NR3C2: variants seen among roughly 807,000 people sequenced by gnomAD.
The protein encoded by NR3C2 is mineralocorticoid receptor.
NR3C2 carries 15 observed loss-of-function variants against 86.4 expected under a neutral mutation model. That is an observed-to-expected ratio of 0.17 (90% confidence interval 0.12 to 0.27). The LOEUF is 0.27. Ranked by LOEUF, NR3C2 falls within the 10% of genes least tolerant of loss-of-function variation. The probability of loss-of-function intolerance (pLI) is 1.00; values close to 1 mark genes in which losing one functional copy is unlikely to be tolerated. For synonymous variants in NR3C2, 458 were observed against 450.5 expected (o/e 1.02, Z -0.21); for missense variants, 960 against 1,195.6 (o/e 0.80, Z 2.91).
At chr4:148,148,503 G>C (rs2149760683) in intron 6 of NR3C2, among the ~76,000 whole-genome samples, 1 of 152,260 alleles carries the variant, frequency 6.6e-6, no homozygotes, top group East Asian at 1.9e-4. Context: ...AAAGAGCCAA[G>C]TCTCTGATGT....
At chr4:148,426,353 T>C (rs756625498) in intron 2 of NR3C2, among the ~76,000 whole-genome samples, 3 of 152,054 alleles carry the variant, frequency 2.0e-5, no homozygotes, top group Non-Finnish European at 4.4e-5. Flanking sequence ...AACCACTATC[T>C]CCCACTGGAA....
At chr4:148,341,851 A>C (rs1310503806) in intron 2 of NR3C2, among the ~76,000 whole-genome samples, 1 of 152,214 alleles carries the variant, frequency 6.6e-6, no homozygotes, top group Non-Finnish European at 1.5e-5. Flanking sequence ...ACTTATTTTT[A>C]AAGAACAAGT....
chr4:148,435,157 A>G lies in NR3C2; in HGVS notation c.1704T>C (p.Ser568=). ...ESWKSHGDLS[S]RRSDGYPVLE... ...AGACCGGATACCCATCACTTCTTCT[A>G]GACGACAGGTCGCCGTGTGATTTCC... Residue 568 remains serine, a synonymous_variant, in exon 2 of 9, where the codon TCT becomes TCC. Coordinates refer to ENST00000358102, the MANE Select transcript of NR3C2 (RefSeq NM_000901.5). The G allele has an allele frequency of 2.5e-6, 4 of 1,614,222 alleles. No homozygotes were observed. Among genetic ancestry groups the G allele is most frequent in the African/African-American group, 1.3e-5 (1 of 75,056 alleles).
At chr4:148,219,254 G>A (rs1737706540) in intron 3 of NR3C2, among the ~76,000 whole-genome samples, 1 of 152,034 alleles carries the variant, frequency 6.6e-6, no homozygotes. Context: ...AGCCATTTAT[G>A]TATCTCCTTT....
At chr4:148,392,606 G>A (rs991126208) in intron 2 of NR3C2, among the ~76,000 whole-genome samples, 11 of 152,180 alleles carry the variant, frequency 7.2e-5, no homozygotes, top group Non-Finnish European at 2.9e-5. Context: ...CTATGAACAT[G>A]TACTGAACAG....
At chr4:148,278,730 GTAC>G (rs1741086708) in intron 2 of NR3C2, among the ~76,000 whole-genome samples, 1 of 151,970 alleles carries the variant, frequency 6.6e-6, no homozygotes, top group Non-Finnish European at 1.5e-5. Flanking sequence ...GGTGACAAAC[GTAC>G]TAGATTCTTA....
intron 2 of NR3C2, among the ~76,000 whole-genome samples, chr4:148,270,957 C>T (rs569221297): frequency 9.9e-5 from 15 of 152,284 alleles, no homozygotes; most frequent in African/African-American, 3.4e-4. Flanking sequence ...ACATTTCTGA[C>T]CTCTGGCTTT....
Position 148,436,780 on chromosome 4 carries a change from C to T in NR3C2, c.81G>A (p.Glu27=), listed in dbSNP as rs1750101893. 1 of 1,613,720 alleles carries T rather than the reference C, an allele frequency of 6.2e-7. No individual in the cohort carries two copies. The highest frequency in any genetic ancestry group is 1.7e-5 in the Admixed American group (1 of 59,972). ...RRWGQVSQAV[E]RSSLGPTERT... ...TCTCTGTAGGTCCCAGGGAAGAACG[C>T]TCCACAGCCTGAGAAACTTGACCCC... is the stretch of plus-strand genomic sequence containing the variant. Residue 27 remains glutamate, a synonymous_variant, in exon 2 of 9, where the codon GAG becomes GAA. Coordinates refer to ENST00000358102, the MANE Select transcript of NR3C2 (RefSeq NM_000901.5).
intron 8 of NR3C2, among the ~76,000 whole-genome samples, chr4:148,103,271 A>G (rs1731624194): frequency 6.6e-6 from 1 of 152,056 alleles, no homozygotes; most frequent in South Asian, 2.1e-4. Flanking sequence ...CGGGTTTTCA[A>G]TCCAGTTTAG....
At chr4:148,394,535 A>T (rs1471110566) in intron 2 of NR3C2, among the ~76,000 whole-genome samples, 1 of 148,374 alleles carries the variant, frequency 6.7e-6, no homozygotes, top group Non-Finnish European at 1.5e-5. Context: ...AAAAAAAAAA[A>T]TAGCAGAGTG....
intron 2 of NR3C2, among the ~76,000 whole-genome samples, chr4:148,316,207 G>C (rs1349459329): frequency 1.3e-5 from 2 of 150,420 alleles, no homozygotes; most frequent in African/African-American, 2.5e-5. Context: ...CAATGTGTTA[G>C]TACACACACA....
chr4:148,335,904 GGAATGGTTAGAAAACCATAGTATACCCAA>G (rs1744462429), intron 2 of NR3C2, among the ~76,000 whole-genome samples: 1 of 152,122 alleles, frequency 6.6e-6, no homozygotes, highest in Non-Finnish European at 1.5e-5. Flanking sequence ...CAGAGAAAAT[GGAATGGTTAGAAAACCATAGTATACCCAA>G]GTATATCATG....
chr4:148,423,841 T>C (rs1319400034), intron 2 of NR3C2, among the ~76,000 whole-genome samples: 1 of 152,164 alleles, frequency 6.6e-6, no homozygotes, highest in East Asian at 1.9e-4. Context: ...CCCAAGTAGC[T>C]GGGATTACAG....
chr4:148,301,717 C>T (rs1367819970), intron 2 of NR3C2, among the ~76,000 whole-genome samples: 1 of 152,148 alleles, frequency 6.6e-6, no homozygotes, highest in East Asian at 1.9e-4. Context: ...TATTTCATAA[C>T]ATCAAGGGTT....
chr4:148,155,984 C>G (rs1478369503), intron 4 of NR3C2, among the ~76,000 whole-genome samples: 1 of 152,166 alleles, frequency 6.6e-6, no homozygotes, highest in Non-Finnish European at 1.5e-5. Flanking sequence ...TGATCTTTGA[C>G]AAACCCGAGG....
At chr4:148,274,776 CA>C (rs1180978231) in intron 2 of NR3C2, among the ~76,000 whole-genome samples, 1 of 149,384 alleles carries the variant, frequency 6.7e-6, no homozygotes, top group Non-Finnish European at 1.5e-5. Context: ...CGGCTCACTG[CA>C]ATCTCCACCT....
intron 3 of NR3C2, among the ~76,000 whole-genome samples, chr4:148,199,206 T>A (rs1736593710): frequency 6.6e-6 from 1 of 151,744 alleles, no homozygotes; most frequent in Non-Finnish European, 1.5e-5. Flanking sequence ...TAGGAAGGCC[T>A]CTAGATGAAA....
intron 2 of NR3C2, among the ~76,000 whole-genome samples, chr4:148,310,070 T>G (rs532703264): frequency 7.2e-5 from 11 of 152,348 alleles, no homozygotes; most frequent in Non-Finnish European, 1.5e-4. Context: ...GATATAATTA[T>G]TTCATCATAA....
At chr4:148,425,191 A>G (rs1218517480) in intron 2 of NR3C2, among the ~76,000 whole-genome samples, 4 of 152,162 alleles carry the variant, frequency 2.6e-5, no homozygotes, top group African/African-American at 9.7e-5. Flanking sequence ...TAGTCAATCC[A>G]TCCATTCATT....
Sources: allele counts gnomAD v4.1 joint callset (sites outside exome capture counted in the v4.1 genomes callset), GRCh38; gene constraint gnomAD v4.1.1; transcripts MANE v1.5; gene names NCBI Gene and HGNC (gene_info 2026-07-23, HGNC 2026-07-21).